Variants in SND1 observed in about 807,000 individuals in gnomAD.
The protein encoded by SND1 is staphylococcal nuclease and tudor domain containing 1.
In SND1, 38 loss-of-function variants were observed where a neutral mutation model predicts 121.7. The ratio of observed to expected loss-of-function variants is 0.31; its 90% CI spans 0.24 to 0.41. The LOEUF (loss-of-function observed/expected upper bound fraction) is 0.41, where lower values mean the gene tolerates loss of function less well. Among genes scored for constraint, SND1 ranks in the 10% least tolerant of loss-of-function variants. The probability of loss-of-function intolerance (pLI) is 1.00; values close to 1 mark genes in which losing one functional copy is unlikely to be tolerated. For synonymous variants in SND1, 401 were observed against 447.4 expected, an observed-to-expected ratio of 0.90 and a Z score of 1.31; for missense variants, 868 against 1,184.6, an observed-to-expected ratio of 0.73 and a Z score of 3.92.
intron 10 of SND1, among the ~76,000 whole-genome samples, chr7:127,789,061 A>G (rs1797864394): frequency 6.6e-6 from 1 of 152,194 alleles, no homozygotes; most frequent in Non-Finnish European, 1.5e-5. Flanking sequence ...GTACATTTTA[A>G]CAAATGTAGT....
chr7:127,915,996 ATGTGTGTGTGTGTGTGTGTG>A lies in SND1; in HGVS notation c.1527+11195_1527+11214del, dbSNP rs57570326. On this transcript the variant is annotated intron_variant, in intron 14 of 23. Transcript: ENST00000354725. ...GGGAGTAGAATAATTAGAACAGCATATGTGTGTGTGTGTGTGTGTGTGTGTGTGTGTGTGTGTTTATGTGT... is the reference window on the plus strand; with the variant it reads ...GGGAGTAGAATAATTAGAACAGCATATGTGTGTGTGTGTGTGTTTATGTGT... Among the ~76,000 whole-genome samples, 1,282 of 149,138 alleles carry A rather than the reference ATGTGTGTGTGTGTGTGTGTG, an allele frequency of 8.6e-3. 31 individuals are homozygous for A. The highest frequency in any genetic ancestry group is 0.03 in the African/African-American group (1,213 of 40,780).
At chr7:127,782,015 G>A (rs73721005) in intron 10 of SND1, among the ~76,000 whole-genome samples, 2,603 of 152,242 alleles carry the variant, frequency 0.017, 94 homozygotes, top group African/African-American at 0.059. Flanking sequence ...GTGGTGACCA[G>A]TTTCTTGATG....
intron 15 of SND1, among the ~76,000 whole-genome samples, chr7:127,982,247 T>G (rs1802280666): frequency 6.6e-6 from 1 of 152,246 alleles, no homozygotes; most frequent in Admixed American, 6.5e-5. Flanking sequence ...AAGACTTGGT[T>G]TTCTTGTTCC....
intron 11 of SND1, among the ~76,000 whole-genome samples, chr7:127,830,158 G>A (rs934262775): frequency 1.3e-5 from 2 of 152,142 alleles, no homozygotes; most frequent in African/African-American, 4.8e-5. Context: ...CGAGGTGGGT[G>A]GATCACATGA....
At chr7:127,942,322 C>T (rs2116841315) in intron 15 of SND1, among the ~76,000 whole-genome samples, 1 of 152,126 alleles carries the variant, frequency 6.6e-6, no homozygotes, top group East Asian at 1.9e-4. Flanking sequence ...GTGTAAAATA[C>T]CAAGTTAGAG....
rs1327845914 is a variant in SND1 at position 127,698,950 on chromosome 7, A to G, written c.425A>G (p.Asn142Ser). ...ACCCGGAGAGAAGGCATGAGAGCTA[A>G]TAAGTAAGTATTCATTACTCCGCTG... ...LATRREGMRA[N>S]NPEQNRLSEC... Residue 142 changes from asparagine (N) to serine (S), a missense_variant, in exon 4 of 24, where the codon AAT becomes AGT. Around this residue, in one of 2 missense-constraint regions of SND1, gnomAD observed 743 missense variants for 1,071.3 expected, o/e 0.69. Transcript: ENST00000354725. 9.9e-6 allele frequency: 16 copies of G among 1,612,050 alleles called. No individual in the cohort carries two copies. The highest frequency in any genetic ancestry group is 1.2e-5 in the Non-Finnish European group (14 of 1,178,332).
At chr7:128,008,281 C>T (rs1033880247) in intron 16 of SND1, 2 of 152,182 alleles carry the variant, frequency 1.3e-5, no homozygotes, top group Non-Finnish European at 2.9e-5. Context: ...TAACTGCACA[C>T]AGATTGAGAA....
At chr7:128,072,033 C>T (rs1793422202) in intron 16 of SND1, among the ~76,000 whole-genome samples, 1 of 152,206 alleles carries the variant, frequency 6.6e-6, no homozygotes, top group Non-Finnish European at 1.5e-5. Flanking sequence ...AGTGTTGGCC[C>T]CAGGTGTGGC....
intron 11 of SND1, among the ~76,000 whole-genome samples, chr7:127,817,449 A>G (rs551184017): frequency 2.0e-5 from 3 of 152,228 alleles, no homozygotes; most frequent in South Asian, 2.1e-4. Flanking sequence ...GCAGATTACT[A>G]TCACAATTGC....
At chr7:127,653,574 C>T (rs74700405) in intron 1 of SND1, among the ~76,000 whole-genome samples, 2 of 152,146 alleles carry the variant, frequency 1.3e-5, no homozygotes, top group South Asian at 2.1e-4. Flanking sequence ...CTTAGGAGGC[C>T]GAGGTGGGAG....
intron 11 of SND1, among the ~76,000 whole-genome samples, chr7:127,835,283 C>T (rs1798845521): frequency 1.3e-5 from 2 of 152,108 alleles, no homozygotes; most frequent in Admixed American, 6.5e-5. Context: ...GTGTATTTGA[C>T]ATAAAGGCAG....
intron 14 of SND1, 101 bp downstream of exon 14, chr7:127,904,920 T>G (rs1800306409): frequency 2.6e-6 from 2 of 769,480 alleles, no homozygotes; most frequent in African/African-American, 3.4e-5. Context: ...TCTAGCTCGC[T>G]CCTTTTCAGG....
chr7:127,934,155 A>G (rs1005719159), intron 15 of SND1, among the ~76,000 whole-genome samples: 7 of 94,614 alleles, frequency 7.4e-5, no homozygotes, highest in Non-Finnish European at 1.5e-4. Flanking sequence ...TTTGAAGTAC[A>G]TATGAGTTTA....
chr7:127,707,155 T>C lies in SND1; in HGVS notation c.948-402T>C, dbSNP rs115872716. The stretch of plus-strand genomic sequence containing the variant: ...GACAGTTTTCTTCTTATATATAGGA[T>C]TTGGTAGCTGGTAACCTTTTTGTAA... On this transcript the variant is annotated intron_variant, in intron 8 of 23. Transcript: ENST00000354725. 5.8e-3 allele frequency among the ~76,000 whole-genome samples: 884 copies of C among 152,322 alleles called. 15 individuals carry two copies. The highest frequency in any genetic ancestry group is 0.02 in the African/African-American group (843 of 41,564).
rs547892352 is a variant in SND1, at chr7:127,786,631, TTTTGTTTG to T, written c.1153-20833_1153-20826del. Among the ~76,000 whole-genome samples, 114 of 151,756 alleles carry T rather than the reference TTTTGTTTG, an allele frequency of 7.5e-4. 1 individual carries two copies. Among genetic ancestry groups the T allele is most frequent in the Admixed American group, 3.0e-3 (46 of 15,270 alleles). ...CATAGTGTTTTTTTGTTTTGTTTTG[TTTTGTTTG>T]TTTGTTTGTTTGTTTGTTTTTTGAG... On this transcript the variant is annotated intron_variant, in intron 10 of 23. Coordinates refer to ENST00000354725, the MANE Select transcript of SND1 (RefSeq NM_014390.4).
At chr7:127,916,828 A>C (rs532976620) in intron 14 of SND1, among the ~76,000 whole-genome samples, 24 of 152,332 alleles carry the variant, frequency 1.6e-4, no homozygotes, top group African/African-American at 5.5e-4. Context: ...GCAGGGGGGC[A>C]GCAAAAGCTA....
At chr7:127,706,228 C>G (rs556327698) in intron 8 of SND1, among the ~76,000 whole-genome samples, 1 of 119,494 alleles carries the variant, frequency 8.4e-6, no homozygotes, top group Non-Finnish European at 1.8e-5. Context: ...ATTTTTTTTG[C>G]ATTCTTTAAT....
At chr7:127,761,912 G>C (rs932963405) in intron 10 of SND1, among the ~76,000 whole-genome samples, 2 of 152,140 alleles carry the variant, frequency 1.3e-5, no homozygotes, top group African/African-American at 4.8e-5. Flanking sequence ...TTTTAAGCAT[G>C]CTCAAGAACT....
rs1797648039 is a variant in SND1, at chr7:127,777,780, A to G, written c.1153-29704A>G. Among the ~76,000 whole-genome samples the G allele has an allele frequency of 2.6e-5, 4 of 151,846 alleles. No homozygotes were observed. In the South Asian group the frequency reaches 8.3e-4, roughly 32 times the overall value. On this transcript the variant is annotated intron_variant, in intron 10 of 23. Transcript: ENST00000354725. The stretch of plus-strand genomic sequence containing the variant: ...GGTGTCCAACTCCTGGGTTCGAGCA[A>G]TTTTTTTTGCCTTAGCCTCTTGAAT...
Sources: gnomAD v4.1 joint callset for allele counts (sites outside exome capture counted in the v4.1 genomes callset) on GRCh38, gnomAD v4.1.1 for gene constraint, gnomAD v4.1.1 regional missense constraint, MANE v1.5 for transcripts, NCBI Gene and HGNC (gene_info 2026-07-23, HGNC 2026-07-21) for gene names.